Variants in WDR70 observed in about 807,000 individuals in gnomAD.
WDR70 encodes the protein WD repeat domain 70.
A neutral mutation model predicts 88.6 loss-of-function variants in WDR70; 53 were observed. The observed-to-expected ratio is 0.60, with a 90% CI of 0.48 to 0.75. The LOEUF is 0.75. Among genes scored for constraint, WDR70 ranks in the 30% least tolerant of loss-of-function variants. The pLI is 0.00. For synonymous variants in WDR70, 280 were observed against 270.0 expected, an observed-to-expected ratio of 1.04 and a Z score of -0.36; for missense variants, 610 against 823.2, an observed-to-expected ratio of 0.74 and a Z score of 3.17.
intron 9 of WDR70, among the ~76,000 whole-genome samples, chr5:37,547,843 A>G (rs1742039501): frequency 6.6e-6 from 1 of 152,038 alleles, no homozygotes; most frequent in Non-Finnish European, 1.5e-5. Flanking sequence ...CTCTATCTCC[A>G]TGGGCTCAAT....
rs1743997163 is a variant in WDR70, at chr5:37,605,122, C to T, written c.976C>T (p.Arg326Trp). ...PKKQKSVFKP[R>W]TMQGKKVIPT... ...GAAGCAAAAAAGTGTGTTTAAACCA[C>T]GGACGATGCAAGGCAAAAAAGTCAT... Residue 326 changes from arginine to tryptophan, a missense_variant, in exon 10 of 18, where the codon CGG becomes TGG. Transcript: ENST00000265107. 2 of 1,612,734 alleles carry T rather than the reference C, an allele frequency of 1.2e-6. No homozygotes were observed. The highest frequency in any genetic ancestry group is 1.1e-5 in the South Asian group (1 of 90,848).
intron 7 of WDR70, among the ~76,000 whole-genome samples, chr5:37,475,843 ATTT>A (rs35126157): frequency 1.7e-5 from 2 of 120,666 alleles, no homozygotes; most frequent in African/African-American, 3.2e-5. Context: ...TGCATTACAT[ATTT>A]TTTTTTTTTT....
intron 5 of WDR70, among the ~76,000 whole-genome samples, chr5:37,420,598 C>G (rs1164180405): frequency 6.6e-6 from 1 of 152,048 alleles, no homozygotes; most frequent in African/African-American, 2.4e-5. Context: ...TGCCACCATG[C>G]CCAGCTATTT....
chr5:37,718,627 C>T (rs879327327), intron 13 of WDR70, among the ~76,000 whole-genome samples: 1 of 152,084 alleles, frequency 6.6e-6, no homozygotes, highest in Admixed American at 6.6e-5. Context: ...TCTAACCCTG[C>T]TACATTTGTA....
At chr5:37,405,038 T>C (rs1453632063) in intron 5 of WDR70, among the ~76,000 whole-genome samples, 1 of 152,172 alleles carries the variant, frequency 6.6e-6, no homozygotes, top group East Asian at 1.9e-4. Context: ...CAGAGCTTTC[T>C]CTTGATGAAA....
intron 11 of WDR70, among the ~76,000 whole-genome samples, chr5:37,699,399 A>G (rs1747082776): frequency 4.7e-5 from 1 of 21,322 alleles, no homozygotes; most frequent in African/African-American, 6.3e-5. Flanking sequence ...GTGTATATAT[A>G]TATACACACA....
intron 9 of WDR70, among the ~76,000 whole-genome samples, chr5:37,594,690 C>G (rs1743648418): frequency 1.3e-5 from 2 of 152,244 alleles, no homozygotes; most frequent in African/African-American, 4.8e-5. Context: ...TCATTGGTAG[C>G]TTGATGGGGA....
At chr5:37,607,734 G>C (rs1156680697) in intron 10 of WDR70, among the ~76,000 whole-genome samples, 1 of 152,162 alleles carries the variant, frequency 6.6e-6, no homozygotes, top group Admixed American at 6.5e-5. Flanking sequence ...CATCATTGCA[G>C]AAAGTTCACT....
chr5:37,427,460 G>A (rs1750165903), intron 5 of WDR70, among the ~76,000 whole-genome samples: 1 of 151,306 alleles, frequency 6.6e-6, no homozygotes, highest in African/African-American at 2.4e-5. Flanking sequence ...ACATAGACGT[G>A]TATATGTACA....
intron 9 of WDR70, among the ~76,000 whole-genome samples, chr5:37,602,584 C>A (rs4869533): frequency 0.46 from 70,232 of 151,038 alleles, 17,929 homozygotes; most frequent in Non-Finnish European, 0.58. Flanking sequence ...GGAGATTGTG[C>A]CACTACACTC....
intron 3 of WDR70, 131 bp from the exon 4 acceptor site, chr5:37,391,869 T>A (rs1748829505): frequency 1.0e-6 from 1 of 997,850 alleles, no homozygotes; most frequent in Non-Finnish European, 1.4e-6. Context: ...GGTTGATAAT[T>A]TTTTGCTGTT....
intron 10 of WDR70, among the ~76,000 whole-genome samples, chr5:37,676,479 C>T (rs1447411144): frequency 1.3e-5 from 2 of 152,068 alleles, no homozygotes; most frequent in Non-Finnish European, 2.9e-5. Context: ...TTTTCTGCAT[C>T]TATTGAGATA....
At chr5:37,747,216 T>C (rs1284528458) in intron 17 of WDR70, among the ~76,000 whole-genome samples, 3 of 151,330 alleles carry the variant, frequency 2.0e-5, no homozygotes, top group African/African-American at 7.3e-5. Context: ...GCAAAACATA[T>C]CAACAGACAC....
intron 9 of WDR70, among the ~76,000 whole-genome samples, chr5:37,581,769 G>C (rs1466178804): frequency 2.6e-5 from 4 of 152,122 alleles, no homozygotes; most frequent in Non-Finnish European, 4.4e-5. Context: ...CTAACCCCTA[G>C]TGCACAAAAC....
At chr5:37,480,893 T>TA (rs1213269844) in intron 8 of WDR70, among the ~76,000 whole-genome samples, 1 of 152,218 alleles carries the variant, frequency 6.6e-6, no homozygotes, top group Non-Finnish European at 1.5e-5. Context: ...AAAAGCAAGT[T>TA]AGTTACTTTC....
intron 12 of WDR70, 106 bp from the exon 13 acceptor site, chr5:37,702,843 C>T (rs1747203696): frequency 5.1e-6 from 6 of 1,165,440 alleles, no homozygotes; most frequent in Non-Finnish European, 7.2e-6. Context: ...CTCATAAGCC[C>T]TATATAGGAG....
chr5:37,521,088 A>T (rs1741070843), intron 9 of WDR70, among the ~76,000 whole-genome samples: 1 of 152,206 alleles, frequency 6.6e-6, no homozygotes, highest in Non-Finnish European at 1.5e-5. Context: ...ACTTAAGTTG[A>T]ATAGAGCAGT....
chr5:37,519,440 C>T (rs1467221205), intron 9 of WDR70, among the ~76,000 whole-genome samples: 2 of 147,930 alleles, frequency 1.4e-5, no homozygotes, highest in Non-Finnish European at 3.0e-5. Flanking sequence ...GGCGGAGGCG[C>T]TCCCCACTTC....
At chr5:37,484,840 G>A (rs146555660) in intron 8 of WDR70, among the ~76,000 whole-genome samples, 6,090 of 152,224 alleles carry the variant, frequency 0.04, 438 homozygotes, top group African/African-American at 0.14. Flanking sequence ...CTGAGGATGT[G>A]TTTTTGTCAC....
Sources: gnomAD v4.1 joint callset for allele counts (sites outside exome capture counted in the v4.1 genomes callset) on GRCh38, gnomAD v4.1.1 for gene constraint, MANE v1.5 for transcripts, NCBI Gene and HGNC (gene_info 2026-07-23, HGNC 2026-07-21) for gene names.